PHYHIPL: variants seen among roughly 807,000 people sequenced by gnomAD.
The protein encoded by PHYHIPL is phytanoyl-CoA 2-hydroxylase interacting protein like.
PHYHIPL carries 9 observed loss-of-function variants against 33.4 expected under a neutral mutation model. That is an observed-to-expected ratio of 0.27 (90% CI 0.16 to 0.47). The LOEUF (loss-of-function observed/expected upper bound fraction) is 0.47. PHYHIPL is among the 20% of genes least tolerant of loss of function. PHYHIPL has a pLI of 0.99. For synonymous variants in PHYHIPL, 153 were observed against 154.1 expected, an observed-to-expected ratio of 0.99 and a Z score of 0.05; for missense variants, 365 against 460.7, an observed-to-expected ratio of 0.79 and a Z score of 1.90.
At chr10:59,219,924 A>G (rs957641261) in intron 1 of PHYHIPL, among the ~76,000 whole-genome samples, 1 of 152,172 alleles carries the variant, frequency 6.6e-6, no homozygotes, top group African/African-American at 2.4e-5. Context: ...ACAAAGGGAC[A>G]GGTACATGAA....
At chr10:59,231,939 G>A (rs182295969) in intron 1 of PHYHIPL, among the ~76,000 whole-genome samples, 3 of 151,962 alleles carry the variant, frequency 2.0e-5, no homozygotes, top group Admixed American at 1.3e-4. Context: ...CCTCCACCTT[G>A]GGGGGAAAAG....
chr10:59,214,249 A>C (rs562841984), intron 1 of PHYHIPL, among the ~76,000 whole-genome samples: 52 of 152,256 alleles, frequency 3.4e-4, no homozygotes, highest in African/African-American at 1.2e-3. Context: ...TAGTTATGAC[A>C]CAAAACTCTA....
intron 1 of PHYHIPL, among the ~76,000 whole-genome samples, chr10:59,189,113 C>A (rs1259333228): frequency 3.9e-5 from 6 of 151,924 alleles, no homozygotes; most frequent in East Asian, 1.9e-4. Context: ...TCCTTTGAAA[C>A]CAAACTCTCC....
chr10:59,174,625 T>C (rs1398608641), upstream of PHYHIPL, among the ~76,000 whole-genome samples: 1 of 152,234 alleles, frequency 6.6e-6, no homozygotes. Context: ...GTGACATTAA[T>C]ACACTTCTTG....
intron 4 of PHYHIPL, among the ~76,000 whole-genome samples, chr10:59,239,498 A>C (rs1481081667): frequency 6.6e-6 from 1 of 152,022 alleles, no homozygotes; most frequent in East Asian, 1.9e-4. Flanking sequence ...ATTCAAGATG[A>C]GATTTGGGTG....
chr10:59,182,846 A>G (rs906934967), intron 1 of PHYHIPL, among the ~76,000 whole-genome samples: 1 of 152,198 alleles, frequency 6.6e-6, no homozygotes, highest in Non-Finnish European at 1.5e-5. Flanking sequence ...TTCAGGCAAC[A>G]TGGAAAGTGA....
At position 59,228,188 on chromosome 10, in the gene PHYHIPL, G is replaced by A. The variant is rs192862490; in HGVS notation, c.107-6116G>A. On this transcript the variant is annotated intron_variant, in intron 1 of 4. Transcript: ENST00000373880. ...AAAGTCTTATTGCAGGAAAACACTG[G>A]AAACAATCTAAATGGATGACTGATT... Among the ~76,000 whole-genome samples, 248 of 151,972 alleles carry A rather than the reference G, an allele frequency of 1.6e-3. 3 individuals carry two copies. The highest frequency in any genetic ancestry group is 0.016 in the Admixed American group (242 of 15,258).
intron 4 of PHYHIPL, among the ~76,000 whole-genome samples, chr10:59,242,811 G>GAA (rs555394595): frequency 1.3e-5 from 2 of 151,898 alleles, no homozygotes; most frequent in African/African-American, 4.8e-5. Flanking sequence ...AGGACAAAGA[G>GAA]AAAAAAATCA....
intron 1 of PHYHIPL, among the ~76,000 whole-genome samples, chr10:59,186,809 A>T (rs181460151): frequency 5.1e-4 from 77 of 152,214 alleles, no homozygotes; most frequent in African/African-American, 1.8e-3. Context: ...TTGTACATTG[A>T]TTTTTTATCC....
rs1456600196 is a variant in PHYHIPL, at chr10:59,236,580, T to C, written c.401T>C (p.Val134Ala). 6.2e-7 allele frequency: 1 copy of C among 1,610,930 alleles called. No individual in the cohort carries two copies. Among genetic ancestry groups the C allele is most frequent in the Non-Finnish European group, 8.5e-7 (1 of 1,178,150 alleles). Residue 134 changes from valine (V) to alanine (A), a missense_variant, in exon 3 of 5, where the codon GTG (valine) becomes GCG (alanine). Physicochemically the swap from Val to Ala is moderately conservative, Grantham distance 64 (BLOSUM62 0). Transcript: ENST00000373880. The stretch of plus-strand genomic sequence containing the variant: ...CCAAGAACTGAATATACAGTAGCAG[T>C]GCAGACTGCCTCAAAACAAGTTGAT... The part of the protein sequence containing the change: ...LSPRTEYTVA[V>A]QTASKQVDGD...
At chr10:59,236,262 G>A (rs982437282) in intron 2 of PHYHIPL, among the ~76,000 whole-genome samples, 1 of 151,768 alleles carries the variant, frequency 6.6e-6, no homozygotes, top group South Asian at 2.1e-4. Context: ...TGTCAGTCAG[G>A]AACTTAATAA....
At chr10:59,177,239 C>T (rs935400850) in intron 1 of PHYHIPL, 1 of 583,220 alleles carries the variant, frequency 1.7e-6, no homozygotes, top group Non-Finnish European at 2.9e-6. Context: ...GCGACGTTCC[C>T]GCTCGCGGCT....
intron 1 of PHYHIPL, among the ~76,000 whole-genome samples, chr10:59,204,188 G>T (rs1161500468): frequency 6.6e-6 from 1 of 152,144 alleles, no homozygotes; most frequent in Non-Finnish European, 1.5e-5. Flanking sequence ...AAAGTATAAA[G>T]TATGTTTTCA....
chr10:59,245,804 C>CTAAG lies in PHYHIPL; in HGVS notation c.*215_*218dup. Reference sequence around the variant, plus strand: ...CCACTACTTTCAATGATGAAATACCCTAAGTTAAGTTCTCCTTTTGACACT... The same window carrying CTAAG: ...CCACTACTTTCAATGATGAAATACCCTAAGTAAGTTAAGTTCTCCTTTTGACACT... On this transcript the variant is annotated 3_prime_UTR_variant, in exon 5 of 5. Coordinates refer to ENST00000373880, the MANE Select transcript of PHYHIPL (RefSeq NM_032439.4). 1 of 529,690 alleles carries CTAAG rather than the reference C, an allele frequency of 1.9e-6. No individual in the cohort carries two copies. 32.8% of individuals were successfully genotyped at this position (529,690 alleles called of 1,614,324 possible).
chr10:59,233,341 TG>T (rs1301021882), intron 1 of PHYHIPL, among the ~76,000 whole-genome samples: 1 of 151,900 alleles, frequency 6.6e-6, no homozygotes, highest in Non-Finnish European at 1.5e-5. Context: ...CATTCACTGT[TG>T]TTTTTTTGTT....
At chr10:59,207,659 A>G (rs1030612809) in intron 1 of PHYHIPL, among the ~76,000 whole-genome samples, 1 of 152,192 alleles carries the variant, frequency 6.6e-6, no homozygotes, top group African/African-American at 2.4e-5. Flanking sequence ...TGGGAGGCCA[A>G]GGCCAGCGGA....
chr10:59,240,303 T>C (rs1840353833), intron 4 of PHYHIPL, among the ~76,000 whole-genome samples: 1 of 152,052 alleles, frequency 6.6e-6, no homozygotes, highest in East Asian at 1.9e-4. Context: ...AAGGTGTTTC[T>C]TTATACAGAT....
At chr10:59,180,556 A>G (rs1033799692) in intron 1 of PHYHIPL, among the ~76,000 whole-genome samples, 1 of 151,806 alleles carries the variant, frequency 6.6e-6, no homozygotes, top group African/African-American at 2.4e-5. Context: ...GACTGTCCAG[A>G]TACGGTATAA....
At chr10:59,183,106 C>T (rs1046734104) in intron 1 of PHYHIPL, among the ~76,000 whole-genome samples, 53 of 151,810 alleles carry the variant, frequency 3.5e-4, no homozygotes, top group Non-Finnish European at 1.0e-4. Flanking sequence ...AGTGTGTTTC[C>T]CCATGAGATT....
Sources: allele counts gnomAD v4.1 joint callset (sites outside exome capture counted in the v4.1 genomes callset), GRCh38; gene constraint gnomAD v4.1.1; transcripts MANE v1.5; gene names NCBI Gene and HGNC (gene_info 2026-07-23, HGNC 2026-07-21).